SH3GL3: variants seen among roughly 807,000 people sequenced by gnomAD.
SH3GL3 encodes endophilin-A3.
In SH3GL3, 33 loss-of-function variants were observed where a neutral mutation model predicts 47.7. The observed-to-expected ratio is 0.69, with a 90% CI of 0.52 to 0.92. The LOEUF (loss-of-function observed/expected upper bound fraction) is 0.92, where lower values mean the gene tolerates loss of function less well. Ranked by LOEUF, SH3GL3 falls within the 40% of genes least tolerant of loss-of-function variation. The pLI, the probability that SH3GL3 is intolerant of heterozygous loss-of-function variation, is 0.00. For synonymous variants in SH3GL3, 155 were observed against 148.8 expected (o/e 1.04, Z -0.30); for missense variants, 363 against 417.8 (o/e 0.87, Z 1.14).
At chr15:83,489,925 TGATA>T (rs781447210) in intron 1 of SH3GL3, among the ~76,000 whole-genome samples, 34 of 152,050 alleles carry the variant, frequency 2.2e-4, no homozygotes, top group South Asian at 6.2e-4. Context: ...GATTGATAGA[TGATA>T]GATAGATGAC....
At chr15:83,540,423 G>C (rs889508424) in intron 1 of SH3GL3, among the ~76,000 whole-genome samples, 2 of 152,092 alleles carry the variant, frequency 1.3e-5, no homozygotes, top group African/African-American at 4.8e-5. Flanking sequence ...AGTTTTATAA[G>C]AGTATGCTTT....
chr15:83,521,459 G>A (rs980351101), intron 1 of SH3GL3, among the ~76,000 whole-genome samples: 1 of 152,166 alleles, frequency 6.6e-6, no homozygotes, highest in Non-Finnish European at 1.5e-5. Flanking sequence ...AGGATGGGGA[G>A]GGGAGAGCTG....
intron 3 of SH3GL3, among the ~76,000 whole-genome samples, chr15:83,566,387 T>TGTGC (rs2045546445): frequency 6.6e-6 from 1 of 151,668 alleles, no homozygotes; most frequent in African/African-American, 2.4e-5. Flanking sequence ...TGTGTGTGTG[T>TGTGC]GTGTGTGTGT....
chr15:83,498,382 T>C (rs2042163935), intron 1 of SH3GL3, among the ~76,000 whole-genome samples: 1 of 152,128 alleles, frequency 6.6e-6, no homozygotes, highest in African/African-American at 2.4e-5. Flanking sequence ...ATTAAGCATA[T>C]CTTCCTTAAA....
chr15:83,515,500 C>A (rs1271787326), intron 1 of SH3GL3, among the ~76,000 whole-genome samples: 2 of 151,694 alleles, frequency 1.3e-5, no homozygotes, highest in Admixed American at 6.6e-5. Flanking sequence ...ATATTTTGTC[C>A]TGGGGTAAAG....
rs1010394128 is a variant in SH3GL3, at chr15:83,618,224, A to G, written c.981A>G (p.Ile327Met). The change falls in exon 9 of 9, where the codon ATA (isoleucine) becomes ATG (methionine). Residue 327 changes from isoleucine (I) to methionine (M), a missense_variant. Coordinates refer to ENST00000427482, the MANE Select transcript of SH3GL3 (RefSeq NM_003027.5). ...QIDENWYEGM[I>M]HGESGFFPIN... ...ATGAAAACTGGTATGAAGGAATGAT[A>G]CACGGAGAATCGGGATTCTTCCCCA... 1 of 1,611,844 alleles carries G rather than the reference A, an allele frequency of 6.2e-7. No homozygotes were observed. The highest frequency in any genetic ancestry group is 8.5e-7 in the Non-Finnish European group (1 of 1,177,930).
At chr15:83,562,030 A>AACAC (rs55856428) in intron 2 of SH3GL3, among the ~76,000 whole-genome samples, 6,947 of 132,634 alleles carry the variant, frequency 0.052, 226 homozygotes, top group South Asian at 0.056. Context: ...ACACACACAC[A>AACAC]ACACACACAC....
intron 1 of SH3GL3, among the ~76,000 whole-genome samples, chr15:83,515,304 C>T (rs1246310739): frequency 2.0e-5 from 3 of 152,160 alleles, no homozygotes; most frequent in East Asian, 3.9e-4. Context: ...CTCAAATCAG[C>T]GGTGTTCACA....
chr15:83,460,645 C>A (rs1197042329), intron 1 of SH3GL3, among the ~76,000 whole-genome samples: 1 of 152,120 alleles, frequency 6.6e-6, no homozygotes, highest in Non-Finnish European at 1.5e-5. Flanking sequence ...AAAACTGCAT[C>A]ATCTTTAATA....
chr15:83,463,174 T>G (rs2040389347), intron 1 of SH3GL3, among the ~76,000 whole-genome samples: 1 of 152,146 alleles, frequency 6.6e-6, no homozygotes, highest in Non-Finnish European at 1.5e-5. Flanking sequence ...CTTTCACATA[T>G]CTCATTCTTT....
intron 2 of SH3GL3, among the ~76,000 whole-genome samples, chr15:83,564,006 A>G (rs888103236): frequency 3.3e-5 from 5 of 151,586 alleles, no homozygotes; most frequent in Non-Finnish European, 7.4e-5. Context: ...AACTTCACAT[A>G]CTCTATGTCT....
At chr15:83,546,816 G>A (rs1255538660) in intron 1 of SH3GL3, among the ~76,000 whole-genome samples, 1 of 152,120 alleles carries the variant, frequency 6.6e-6, no homozygotes, top group Non-Finnish European at 1.5e-5. Context: ...GTTCTTTTCT[G>A]GACCAGGATG....
chr15:83,567,298 A>G (rs1046526551), intron 3 of SH3GL3, among the ~76,000 whole-genome samples: 4 of 152,142 alleles, frequency 2.6e-5, no homozygotes, highest in African/African-American at 9.7e-5. Context: ...TTTCTTCAGC[A>G]TATTGCCGCC....
intron 1 of SH3GL3, among the ~76,000 whole-genome samples, chr15:83,526,253 G>A (rs186260480): frequency 1.3e-5 from 2 of 152,290 alleles, no homozygotes; most frequent in Admixed American, 1.3e-4. Flanking sequence ...GGAAAGCAGT[G>A]TGGTGATTCC....
chr15:83,458,476 A>G (rs539522924), intron 1 of SH3GL3, among the ~76,000 whole-genome samples: 1 of 152,290 alleles, frequency 6.6e-6, no homozygotes, highest in East Asian at 1.9e-4. Context: ...CAGTAATGCT[A>G]CTAAGTACTT....
intron 8 of SH3GL3, chr15:83,611,707 A>C (rs1004648043): frequency 2.6e-4 from 40 of 152,350 alleles, no homozygotes; most frequent in African/African-American, 9.2e-4. Context: ...GGGTAGGATC[A>C]GTCTTTTCTT....
chr15:83,572,845 T>C (rs1027692978), intron 5 of SH3GL3, 147 bp downstream of exon 5: 1 of 594,456 alleles, frequency 1.7e-6, no homozygotes, highest in Non-Finnish European at 2.9e-6. Flanking sequence ...TTTCCTGGGC[T>C]CACTGGGAAA....
intron 1 of SH3GL3, among the ~76,000 whole-genome samples, chr15:83,491,557 C>A (rs1315584183): frequency 1.3e-5 from 2 of 152,214 alleles, no homozygotes; most frequent in East Asian, 3.9e-4. Context: ...ACACATCTGA[C>A]ATTCAAAGTC....
downstream of SH3GL3, chr15:83,618,761 A>C (rs1190054064): frequency 6.0e-6 from 1 of 167,784 alleles, no homozygotes; most frequent in Non-Finnish European, 1.3e-5. Context: ...GTTATTTTTA[A>C]TGTTGAATTG....
Sources: gnomAD v4.1 joint callset for allele counts (sites outside exome capture counted in the v4.1 genomes callset) on GRCh38, gnomAD v4.1.1 for gene constraint, MANE v1.5 for transcripts, NCBI Gene and HGNC (gene_info 2026-07-23, HGNC 2026-07-21) for gene names.